The following SENP2 variants were observed in gnomAD, a reference collection of about 807,000 sequenced individuals.
SENP2 encodes sentrin-specific protease 2.
SENP2 carries 16 observed loss-of-function variants against 86.3 expected under a neutral mutation model. The ratio of observed to expected loss-of-function variants is 0.19; its 90% confidence interval spans 0.13 to 0.28. The LOEUF (loss-of-function observed/expected upper bound fraction) is 0.28, where lower values mean the gene tolerates loss of function less well. Among genes scored for constraint, SENP2 ranks in the 10% least tolerant of loss-of-function variants. The probability of loss-of-function intolerance (pLI) is 1.00; values close to 1 mark genes in which losing one functional copy is unlikely to be tolerated. For missense variants in SENP2, 552 were observed against 703.0 expected, an observed-to-expected ratio of 0.79 and a Z score of 2.43; for synonymous variants, 222 against 238.7, an observed-to-expected ratio of 0.93 and a Z score of 0.64.
At chr3:185,606,577 G>T in intron 6 of SENP2, 79 bp downstream of exon 6, 1 of 1,229,304 alleles carries the variant, frequency 8.1e-7, no homozygotes, top group South Asian at 1.7e-5. Context: ...CACTCAGAAT[G>T]GTTCAACGTT....
intron 14 of SENP2, 37 bp downstream of exon 14, chr3:185,621,942 A>C: frequency 7.4e-7 from 1 of 1,355,546 alleles, no homozygotes; most frequent in African/African-American, 1.4e-5. Flanking sequence ...CCCCCTGTTG[A>C]GGTGATCTCT....
At chr3:185,614,012 CA>C (rs1241467180) in intron 10 of SENP2, among the ~76,000 whole-genome samples, 1 of 152,040 alleles carries the variant, frequency 6.6e-6, no homozygotes, top group Non-Finnish European at 1.5e-5. Flanking sequence ...AAAAATCATA[CA>C]TCTCTGGAAA....
intron 2 of SENP2, among the ~76,000 whole-genome samples, chr3:185,591,103 C>T (rs1310583585): frequency 6.6e-6 from 1 of 150,706 alleles, no homozygotes; most frequent in East Asian, 2.0e-4. Flanking sequence ...GATGGGGTTT[C>T]ACCGTGTTAG....
At position 185,589,107 on chromosome 3, in the gene SENP2, T is replaced by A. The variant is rs191462767; in HGVS notation, c.102-1007T>A. ...TTTTTGCATGTGTGAATATAATTGA[T>A]CATAAGGGTTCAGAGAGATGATGAG... On this transcript the variant is annotated intron_variant, in intron 1 of 16. Coordinates refer to ENST00000296257, the MANE Select transcript of SENP2 (RefSeq NM_021627.3). Among the ~76,000 whole-genome samples the A allele has an allele frequency of 2.6e-3, 393 of 152,052 alleles. 2 individuals are homozygous for A. The highest frequency in any genetic ancestry group is 3.0e-3 in the Non-Finnish European group (202 of 68,000).
rs1021765030 is a variant in SENP2, at chr3:185,630,139, G to A, written c.*295G>A. The A allele has an allele frequency of 1.0e-5, 3 of 292,456 alleles. No homozygotes were observed. Among genetic ancestry groups the A allele is most frequent in the Non-Finnish European group, 2.0e-5 (3 of 151,960 alleles). 18.1% of individuals were successfully genotyped at this position (292,456 alleles called of 1,614,324 possible). A position where few individuals can be genotyped will look rare whatever the true frequency, so the allele number is the denominator to read the frequency against. ...GAGATTCTTTTCCCTATGAATGTGG[G>A]AAATGCAGGATTTATTCTGTGAATT... is the stretch of plus-strand genomic sequence containing the variant. On this transcript the variant is annotated 3_prime_UTR_variant, in exon 17 of 17. Transcript: ENST00000296257.
intron 5 of SENP2, 124 bp from the exon 6 acceptor site, chr3:185,606,206 T>G (rs963348202): frequency 3.9e-6 from 3 of 762,274 alleles, no homozygotes; most frequent in African/African-American, 1.7e-5. Context: ...TAATTGTACT[T>G]GTCTGACTTG....
intron 15 of SENP2, among the ~76,000 whole-genome samples, chr3:185,625,013 A>G (rs1226006746): frequency 1.3e-5 from 2 of 152,176 alleles, no homozygotes; most frequent in South Asian, 2.1e-4. Context: ...CTTTCTTTGT[A>G]TATTGTAGTC....
chr3:185,607,976 C>T (rs1722573219), intron 6 of SENP2, among the ~76,000 whole-genome samples: 3 of 152,018 alleles, frequency 2.0e-5, no homozygotes, highest in Admixed American at 2.0e-4. Context: ...TCTTTTATTC[C>T]AGGAAAATTT....
In SENP2 at chr3:185,606,350, G is replaced by C. The variant is rs1421280569; in HGVS notation, c.470G>C (p.Gly157Ala). The change falls in exon 6 of 17, where the codon GGC becomes GCC. Residue 157 changes from glycine to alanine, a missense_variant. Physicochemically the swap from Gly to Ala is moderately conservative, Grantham distance 60 (BLOSUM62 0). Transcript: ENST00000296257. ...CTCAGTTTTACTTTGAACTCAGAAG[G>C]CTGTAATAGAAGACCAGGTGGCCGT... ...PSFGFTLNSEGCNRRPGGRRH... is the reference protein window; with the variant it reads ...PSFGFTLNSEACNRRPGGRRH... 4 of 1,606,872 alleles carry C rather than the reference G, an allele frequency of 2.5e-6. No homozygotes were observed. The highest frequency in any genetic ancestry group is 3.4e-6 in the Non-Finnish European group (4 of 1,178,244).
At chr3:185,624,839 G>T (rs1267942487) in intron 15 of SENP2, among the ~76,000 whole-genome samples, 1 of 150,076 alleles carries the variant, frequency 6.7e-6, no homozygotes, top group Admixed American at 6.7e-5. Context: ...CTGCACTCCA[G>T]CCTGGGCAAC....
At chr3:185,589,949 C>T (rs961135447) in intron 1 of SENP2, among the ~76,000 whole-genome samples, 165 bp from the exon 2 acceptor site, 4 of 151,716 alleles carry the variant, frequency 2.6e-5, no homozygotes, top group Non-Finnish European at 4.4e-5. Flanking sequence ...ATTACAGGCA[C>T]GAGCCACTGT....
intron 2 of SENP2, among the ~76,000 whole-genome samples, chr3:185,593,253 T>C (rs1335862348): frequency 6.6e-6 from 1 of 152,130 alleles, no homozygotes; most frequent in African/African-American, 2.4e-5. Context: ...GACAGGTAGA[T>C]CAAATTATCG....
chr3:185,617,323 T>G (rs1474352062), intron 11 of SENP2, among the ~76,000 whole-genome samples, 157 bp from the exon 12 acceptor site: 1 of 151,954 alleles, frequency 6.6e-6, no homozygotes, highest in Admixed American at 6.6e-5. Flanking sequence ...AAGAAAAAAA[T>G]GTTTTCCTAC....
chr3:185,594,260 ATCACT>A (rs1261939862), intron 2 of SENP2, among the ~76,000 whole-genome samples: 4 of 152,024 alleles, frequency 2.6e-5, no homozygotes, highest in Non-Finnish European at 5.9e-5. Context: ...TATGTTAAGG[ATCACT>A]TATTGCATCA....
chr3:185,601,629 GTTGTTCTTGCT>G (rs1722348794), intron 5 of SENP2, among the ~76,000 whole-genome samples: 1 of 133,202 alleles, frequency 7.5e-6, no homozygotes, highest in Admixed American at 7.7e-5. Context: ...CTCTCCTTTT[GTTGTTCTTGCT>G]TTTTTTTTTT....
At position 185,591,382 on chromosome 3, in the gene SENP2, C is replaced by T. The variant is rs575638541; in HGVS notation, c.157+1213C>T. 3.3e-5 allele frequency among the ~76,000 whole-genome samples: 5 copies of T among 151,792 alleles called. No individual in the cohort carries two copies. In the South Asian group the frequency reaches 6.3e-4, roughly 19 times the overall value. On this transcript the variant is annotated intron_variant, in intron 2 of 16. Coordinates refer to ENST00000296257, the MANE Select transcript of SENP2 (RefSeq NM_021627.3). The stretch of plus-strand genomic sequence containing the variant: ...TTATTTATTTTTTGAGATGGAGTCT[C>T]GCTCTGTCACCCAGGCTGGAGTGTA...
Position 185,609,329 on chromosome 3 carries a change from C to T in SENP2, c.701C>T (p.Pro234Leu). ...AGTGGTCATGGAAACTCTGTCTGTC[C>T]TGTAACTTCAAATTATCACAGGTGA... ...KESGHGNSVC[P>L]VTSNYHSSQR... Residue 234 changes from proline (P) to leucine (L), a missense_variant, in exon 7 of 17, where the codon CCT (proline) becomes CTT (leucine). Transcript: ENST00000296257. The T allele has an allele frequency of 6.2e-7, 1 of 1,612,326 alleles. No individual in the cohort carries two copies. Among genetic ancestry groups the T allele is most frequent in the South Asian group, 1.1e-5 (1 of 90,962 alleles).
In SENP2 at chr3:185,619,279, G is replaced by T. The variant is rs1711750628; in HGVS notation, c.1243-20G>T. ...ATATGTTTGCCATGTTCCAGCTTTTGCTCCCTTGGTATTTTGTAGGTCATT... is the reference window on the plus strand; with the variant it reads ...ATATGTTTGCCATGTTCCAGCTTTTTCTCCCTTGGTATTTTGTAGGTCATT... On this transcript the variant is annotated intron_variant, in intron 12 of 16. Coordinates refer to ENST00000296257, the MANE Select transcript of SENP2 (RefSeq NM_021627.3). The T allele has an allele frequency of 6.4e-7, 1 of 1,562,606 alleles. No individual in the cohort carries two copies. Among genetic ancestry groups the T allele is most frequent in the Non-Finnish European group, 8.8e-7 (1 of 1,133,822 alleles).
chr3:185,619,184 C>G, intron 12 of SENP2, 115 bp from the exon 13 acceptor site: 1 of 747,328 alleles, frequency 1.3e-6, no homozygotes, highest in Non-Finnish European at 2.2e-6. Context: ...TATAGACAGT[C>G]TTTTTATCCT....
Sources: allele counts gnomAD v4.1 joint callset (sites outside exome capture counted in the v4.1 genomes callset), GRCh38; gene constraint gnomAD v4.1.1; transcripts MANE v1.5; gene names NCBI Gene and HGNC (gene_info 2026-07-23, HGNC 2026-07-21).